Variants in KCTD2 observed in about 807,000 individuals in gnomAD.
The protein encoded by KCTD2 is BTB/POZ domain-containing protein KCTD2.
A neutral mutation model predicts 27.9 loss-of-function variants in KCTD2; 18 were observed. The observed-to-expected ratio is 0.64, with a 90% CI of 0.45 to 0.96. The LOEUF (loss-of-function observed/expected upper bound fraction) is 0.96. Among genes scored for constraint, KCTD2 ranks in the 40% least tolerant of loss-of-function variants. The pLI, the probability that KCTD2 is intolerant of heterozygous loss-of-function variation, is 0.00. For synonymous variants in KCTD2, 175 were observed against 148.4 expected (o/e 1.18, Z -1.30); for missense variants, 280 against 348.0 (o/e 0.80, Z 1.56).
intron 3 of KCTD2, chr17:75,036,091 T>G (rs770166543): frequency 6.6e-6 from 3 of 453,346 alleles, no homozygotes; most frequent in African/African-American, 4.0e-5. Flanking sequence ...TCTCGCTCTG[T>G]CACCCAGGGT....
intron 3 of KCTD2, chr17:75,042,045 GGC>G: frequency 1.5e-6 from 1 of 685,662 alleles, no homozygotes; most frequent in Non-Finnish European, 2.4e-6. Context: ...TCGACCACAA[GGC>G]CTTTGGCCAT....
rs2073410124 is a variant in KCTD2 at position 75,062,164 on chromosome 17, G to A, written c.681G>A (p.Gln227=). 2 of 1,613,914 alleles carry A rather than the reference G, an allele frequency of 1.2e-6. No homozygotes were observed. Among genetic ancestry groups the A allele is most frequent in the South Asian group, 1.1e-5 (1 of 91,060 alleles). Residue 227 remains glutamine (Q), a synonymous_variant, in exon 5 of 6, where the codon CAG becomes CAA. Transcript: ENST00000322444. The part of the protein sequence containing the change: ...GSSYNYGNED[Q]AEFLCVVSRE... ...CCTATAACTACGGCAATGAGGATCA[G>A]GCAGAATTCCTCTGTGTTGTCTCCA... is the stretch of plus-strand genomic sequence containing the variant.
chr17:75,042,939 G>A (rs972207203), upstream of KCTD2, among the ~76,000 whole-genome samples: 3 of 151,950 alleles, frequency 2.0e-5, no homozygotes, highest in Non-Finnish European at 4.4e-5. Context: ...CAAGGTGTGC[G>A]GCCAGGCGCA....
At chr17:75,053,858 C>CTTTTTTTTTTTTTTTTTTTTTTT (rs71159419) in intron 3 of KCTD2, among the ~76,000 whole-genome samples, 1 of 59,322 alleles carries the variant, frequency 1.7e-5, no homozygotes, top group Non-Finnish European at 2.8e-5. Context: ...GTGAACCATG[C>CTTTTTTTTTTTTTTTTTTTTTTT]TTTTTTTTTT....
intron 3 of KCTD2, chr17:75,039,393 T>A: frequency 1.2e-6 from 1 of 851,224 alleles, no homozygotes; most frequent in Non-Finnish European, 1.9e-6. Context: ...AAACTGTGGT[T>A]ACCCTGAGTG....
Position 75,052,907 on chromosome 17 carries a change from A to G in KCTD2, c.449-107A>G, listed in dbSNP as rs2073304099. ...AGACTCCGTCTCAAAAAATAAGTAA[A>G]TAAATAAATAAGCAGTTTTTAGCAA... is the stretch of plus-strand genomic sequence containing the variant. On this transcript the variant is annotated intron_variant, in intron 2 of 5. Coordinates refer to ENST00000322444, the MANE Select transcript of KCTD2 (RefSeq NM_015353.3). The G allele has an allele frequency of 3.6e-6, 3 of 834,164 alleles. No individual in the cohort carries two copies. In the African/African-American group the frequency reaches 5.1e-5, roughly 14 times the overall value. 51.7% of individuals were successfully genotyped at this position (834,164 alleles called of 1,614,324 possible).
chr17:75,065,223 C>G lies in KCTD2; in HGVS notation c.*2176C>G, dbSNP rs2073445254. 2 of 152,232 alleles carry G rather than the reference C, an allele frequency of 1.3e-5. No individual in the cohort carries two copies. The highest frequency in any genetic ancestry group is 2.1e-4 in the South Asian group (1 of 4,836). The allele number at this position is 152,232 out of a possible 1,614,324, so 9.4% of individuals were successfully genotyped here. A position where few individuals can be genotyped will look rare whatever the true frequency, so the allele number is the denominator to read the frequency against. On this transcript the variant is annotated 3_prime_UTR_variant, in exon 6 of 6. Coordinates refer to ENST00000322444, the MANE Select transcript of KCTD2 (RefSeq NM_015353.3). ...TCCGCCCTCTCGGAGGGCTGGTGTT[C>G]ACCAAGTTTCCCTCCTCGCTGCAAC...
At chr17:75,052,671 C>T (rs2073300782) in intron 2 of KCTD2, among the ~76,000 whole-genome samples, 1 of 152,182 alleles carries the variant, frequency 6.6e-6, no homozygotes, top group African/African-American at 2.4e-5. Context: ...TGCAGTGAGC[C>T]AAGATCATGC....
rs769605595 is a variant in KCTD2 at position 75,053,080 on chromosome 17, G to A, written c.515G>A (p.Arg172Gln). The A allele has an allele frequency of 8.7e-6, 14 of 1,613,752 alleles. No homozygotes were observed. Among genetic ancestry groups the A allele is most frequent in the South Asian group, 3.3e-5 (3 of 91,066 alleles). Residue 172 changes from arginine to glutamine, a missense_variant, in exon 3 of 6, where the codon CGG becomes CAG. By Grantham distance (43) the Arg-to-Gln change is conservative (BLOSUM62 1). Coordinates refer to ENST00000322444, the MANE Select transcript of KCTD2 (RefSeq NM_015353.3). The part of the protein sequence containing the change: ...SLVRLVKERI[R>Q]DNENRTSQGP... ...GTGCGGCTGGTTAAGGAAAGGATACGGGACAATGAGAACAGAACTTCACAA... is the reference window on the plus strand; with the variant it reads ...GTGCGGCTGGTTAAGGAAAGGATACAGGACAATGAGAACAGAACTTCACAA...
rs928496780 is a variant in KCTD2 at position 75,058,814 on chromosome 17, T to C, written c.541-696T>C. On this transcript the variant is annotated intron_variant, in intron 3 of 5. Coordinates refer to ENST00000322444, the MANE Select transcript of KCTD2 (RefSeq NM_015353.3). ...CTGTGTCTTAAAAAATAATAATAAA[T>C]AGGCCGGGCGCGGTGGCTCATGCCT... 3.2e-5 allele frequency among the ~76,000 whole-genome samples: 4 copies of C among 123,320 alleles called. No homozygotes were observed. In the South Asian group the frequency reaches 1.0e-3, roughly 32 times the overall value. 80.9% of individuals were successfully genotyped at this position (123,320 alleles called of 152,430 possible). A position where few individuals can be genotyped will look rare whatever the true frequency, so the allele number is the denominator to read the frequency against.
intron 2 of KCTD2, among the ~76,000 whole-genome samples, chr17:75,034,561 C>T (rs1216905720): frequency 2.0e-5 from 3 of 152,144 alleles, no homozygotes; most frequent in Non-Finnish European, 4.4e-5. Context: ...AGTGCCCAAA[C>T]ACGGCCCTGC....
At chr17:75,035,301 C>A (rs2040106042) in exon 3 of KCTD2, 1 of 152,154 alleles carries the variant, frequency 6.6e-6, no homozygotes, top group African/African-American at 2.4e-5. Flanking sequence ...CTGCTTCTGT[C>A]CAATCAGGCT....
intron 3 of KCTD2, among the ~76,000 whole-genome samples, chr17:75,056,699 T>C (rs1446338007): frequency 2.0e-5 from 3 of 152,088 alleles, no homozygotes; most frequent in Non-Finnish European, 4.4e-5. Flanking sequence ...TTTATACTTG[T>C]TGTATGTGGC....
Position 75,048,262 on chromosome 17 carries a change from C to T in KCTD2, c.339+673C>T, listed in dbSNP as rs570043548. Among the ~76,000 whole-genome samples the T allele has an allele frequency of 2.0e-4, 30 of 152,254 alleles. No individual in the cohort carries two copies. The South Asian group carries it at 6.2e-3, about 32-fold the overall frequency. On this transcript the variant is annotated intron_variant, in intron 1 of 5. Transcript: ENST00000322444. ...GGAAAATTTTGGGCAGGATGCATGG[C>T]TGCTAACCAAAGGGTTGAGAGGTGA...
At chr17:75,041,889 C>T (rs899026477) in intron 3 of KCTD2, 2 of 263,352 alleles carry the variant, frequency 7.6e-6, no homozygotes, top group East Asian at 1.5e-4. Context: ...ACCAGGTTGC[C>T]TAAGAAGGGG....
At chr17:75,042,251 G>A, upstream of KCTD2, 1 of 1,614,158 alleles carries the variant, frequency 6.2e-7, no homozygotes, top group Non-Finnish European at 8.5e-7. Flanking sequence ...GTCGATAGCT[G>A]GTGGATTCTC....
chr17:75,038,882 A>G, intron 3 of KCTD2: 1 of 1,560,016 alleles, frequency 6.4e-7, no homozygotes, highest in Non-Finnish European at 8.7e-7. Flanking sequence ...ATTATTTTTA[A>G]TGTCCAGAAT....
chr17:75,034,319 G>T (rs972414264), intron 2 of KCTD2, among the ~76,000 whole-genome samples: 8 of 152,104 alleles, frequency 5.3e-5, no homozygotes, highest in African/African-American at 1.9e-4. Flanking sequence ...GCAAGAGAAG[G>T]CGAGGGGCGC....
chr17:75,060,932 G>A (rs111556238), intron 4 of KCTD2, among the ~76,000 whole-genome samples: 3 of 152,234 alleles, frequency 2.0e-5, no homozygotes, highest in South Asian at 2.1e-4. Context: ...CTTCCACCAC[G>A]GAATCCACTC....
Sources: allele counts gnomAD v4.1 joint callset (sites outside exome capture counted in the v4.1 genomes callset), GRCh38; gene constraint gnomAD v4.1.1; transcripts MANE v1.5; gene names NCBI Gene and HGNC (gene_info 2026-07-23, HGNC 2026-07-21).